The following KLHL25 variants were observed in gnomAD, a reference collection of about 807,000 sequenced individuals.
KLHL25 encodes the protein kelch-like protein 25.
A neutral mutation model predicts 30.0 loss-of-function variants in KLHL25; 41 were observed. The ratio of observed to expected loss-of-function variants is 1.37; its 90% confidence interval spans 1.07 to 1.78. The LOEUF (loss-of-function observed/expected upper bound fraction) is 1.78, where lower values mean the gene tolerates loss of function less well. KLHL25 is among the 40% of genes most tolerant of loss of function. The probability of loss-of-function intolerance (pLI) is 0.00; values close to 1 mark genes in which losing one functional copy is unlikely to be tolerated. For synonymous variants in KLHL25, 399 were observed against 355.3 expected, an observed-to-expected ratio of 1.12 and a Z score of -1.38; for missense variants, 971 against 824.5, an observed-to-expected ratio of 1.18 and a Z score of -2.18.
intron 1 of KLHL25, among the ~76,000 whole-genome samples, chr15:85,792,574 C>A (rs2089824571): frequency 6.6e-6 from 1 of 152,154 alleles, no homozygotes; most frequent in Non-Finnish European, 1.5e-5. Flanking sequence ...AGAAGCCATC[C>A]AGCTTCCTAC....
intron 1 of KLHL25, among the ~76,000 whole-genome samples, chr15:85,770,032 T>A (rs2089660726): frequency 6.6e-6 from 1 of 152,192 alleles, no homozygotes; most frequent in African/African-American, 2.4e-5. Context: ...CTGGTTTTGT[T>A]CTCAGGGTAT....
intron 2 of KLHL25, among the ~76,000 whole-genome samples, chr15:85,767,391 T>C (rs2089632149): frequency 6.6e-6 from 1 of 151,950 alleles, no homozygotes; most frequent in Admixed American, 6.5e-5. Flanking sequence ...TGAGCCACCA[T>C]GCCCGGGCCT....
At chr15:85,792,744 G>C (rs1400895565) in intron 1 of KLHL25, among the ~76,000 whole-genome samples, 2 of 152,170 alleles carry the variant, frequency 1.3e-5, no homozygotes, top group Non-Finnish European at 2.9e-5. Flanking sequence ...ACAGGACAAA[G>C]GTGGCTGCCC....
At chr15:85,792,822 C>G (rs747054222) in intron 1 of KLHL25, among the ~76,000 whole-genome samples, 1 of 152,144 alleles carries the variant, frequency 6.6e-6, no homozygotes, top group Non-Finnish European at 1.5e-5. Flanking sequence ...CCCAGGAAGC[C>G]TTGCCCACCT....
intron 1 of KLHL25, among the ~76,000 whole-genome samples, chr15:85,779,630 C>T (rs938002075): frequency 1.3e-5 from 2 of 152,312 alleles, no homozygotes; most frequent in Admixed American, 6.5e-5. Context: ...ATTGCAGTTA[C>T]AGAATACTAT....
chr15:85,786,981 G>C (rs181034889), intron 1 of KLHL25, among the ~76,000 whole-genome samples: 50 of 152,264 alleles, frequency 3.3e-4, no homozygotes, highest in African/African-American at 1.2e-3. Context: ...GAGGTCAGGA[G>C]ACCAATAAGA....
At chr15:85,792,113 G>A (rs1280099365) in intron 1 of KLHL25, among the ~76,000 whole-genome samples, 1 of 152,194 alleles carries the variant, frequency 6.6e-6, no homozygotes, top group African/African-American at 2.4e-5. Context: ...CAATGAGGTG[G>A]TCAAGGAAAG....
At chr15:85,791,289 A>G (rs185798427) in intron 1 of KLHL25, among the ~76,000 whole-genome samples, 1 of 151,916 alleles carries the variant, frequency 6.6e-6, no homozygotes, top group African/African-American at 2.4e-5. Context: ...TGAGATCAGG[A>G]GTTCAAGACC....
chr15:85,762,002 G>A (rs1242883755), intron 2 of KLHL25: 1 of 152,236 alleles, frequency 6.6e-6, no homozygotes, highest in Middle Eastern at 3.2e-3. Flanking sequence ...CCTTTAAGTG[G>A]GGTACACCTC....
chr15:85,764,625 C>T (rs2151804723), intron 2 of KLHL25, among the ~76,000 whole-genome samples: 1 of 152,276 alleles, frequency 6.6e-6, no homozygotes, highest in Middle Eastern at 3.4e-3. Flanking sequence ...AGGAGGACTC[C>T]AGTGGGCACA....
chr15:85,771,335 C>T (rs1452559693), intron 1 of KLHL25, among the ~76,000 whole-genome samples: 1 of 152,096 alleles, frequency 6.6e-6, no homozygotes, highest in African/African-American at 2.4e-5. Context: ...AAACCCTAAA[C>T]AACAAAGTTT....
At chr15:85,776,835 G>T (rs1272118713) in intron 1 of KLHL25, among the ~76,000 whole-genome samples, 1 of 152,000 alleles carries the variant, frequency 6.6e-6, no homozygotes, top group African/African-American at 2.4e-5. Flanking sequence ...TGAGGCAGGA[G>T]AATGGCCTGA....
chr15:85,767,987 C>T, intron 2 of KLHL25, 30 bp downstream of exon 2: 2 of 1,451,814 alleles, frequency 1.4e-6, no homozygotes, highest in Non-Finnish European at 1.9e-6. Flanking sequence ...TTTCCGGACC[C>T]AGAGTGGCCG....
Position 85,769,278 on chromosome 15 carries a change from G to A in KLHL25, c.533C>T (p.Thr178Met), listed in dbSNP as rs146044254. 4.3e-4 allele frequency: 701 copies of A among 1,613,858 alleles called. 1 individual carries two copies. Among genetic ancestry groups the A allele is most frequent in the Non-Finnish European group, 5.7e-4 (673 of 1,180,046 alleles). Residue 178 changes from threonine to methionine, a missense_variant, in exon 2 of 3, where the codon ACG becomes ATG. Transcript: ENST00000337975. ...SWRMCLVHFE[T>M]VRQSEDFNSL... ...GTTGAAGTCCTCGCTCTGCCTCACCGTCTCAAAGTGCACCAGGCACATGCG... is the reference window on the plus strand; with the variant it reads ...GTTGAAGTCCTCGCTCTGCCTCACCATCTCAAAGTGCACCAGGCACATGCG...
At chr15:85,781,963 C>G (rs1417355292) in intron 1 of KLHL25, among the ~76,000 whole-genome samples, 2 of 152,018 alleles carry the variant, frequency 1.3e-5, no homozygotes, top group African/African-American at 4.8e-5. Flanking sequence ...CCACTGCTGG[C>G]TGCCTCCCTC....
intron 1 of KLHL25, among the ~76,000 whole-genome samples, chr15:85,791,324 C>T (rs1283934279): frequency 2.6e-5 from 4 of 151,628 alleles, no homozygotes; most frequent in African/African-American, 9.7e-5. Context: ...GGAGAAACCC[C>T]GTCTCTACAA....
Position 85,768,984 on chromosome 15 carries a change from A to G in KLHL25, c.827T>C (p.Ile276Thr). The G allele has an allele frequency of 6.2e-7, 1 of 1,612,784 alleles. No homozygotes were observed. Among genetic ancestry groups the G allele is most frequent in the East Asian group, 2.2e-5 (1 of 44,874 alleles). ...GGTGACCACGCCATCATTCTGCAGG[A>G]TCCTGGTCTTGCAGCGCAGGGCCTC... Reference protein sequence around the residue: ...MDEALRCKTRILQNDGVVTSP... With the variant: ...MDEALRCKTRTLQNDGVVTSP... Residue 276 changes from isoleucine (I) to threonine (T), a missense_variant, in exon 2 of 3, where the codon ATC becomes ACC. Coordinates refer to ENST00000337975, the MANE Select transcript of KLHL25 (RefSeq NM_022480.4).
chr15:85,781,279 C>G (rs991823700), intron 1 of KLHL25, among the ~76,000 whole-genome samples: 1 of 152,120 alleles, frequency 6.6e-6, no homozygotes, highest in Non-Finnish European at 1.5e-5. Flanking sequence ...GATTGTTTAC[C>G]CATGTGTGAT....
intron 1 of KLHL25, among the ~76,000 whole-genome samples, chr15:85,781,302 G>A (rs528931181): frequency 6.6e-6 from 1 of 152,166 alleles, no homozygotes; most frequent in Non-Finnish European, 1.5e-5. Flanking sequence ...TGTAACATCA[G>A]GCATCGGCCA....
Sources: allele counts gnomAD v4.1 joint callset (sites outside exome capture counted in the v4.1 genomes callset), GRCh38; gene constraint gnomAD v4.1.1; transcripts MANE v1.5; gene names NCBI Gene and HGNC (gene_info 2026-07-23, HGNC 2026-07-21).